The following DIP2C variants were observed in gnomAD, a reference collection of about 807,000 sequenced individuals.
DIP2C encodes the protein disco-interacting protein 2 homolog C.
A neutral mutation model predicts 192.4 loss-of-function variants in DIP2C; 33 were observed. That is an observed-to-expected ratio of 0.17 (90% confidence interval 0.13 to 0.23). DIP2C has a LOEUF of 0.23. Among genes scored for constraint, DIP2C ranks in the 10% least tolerant of loss-of-function variants. The probability of loss-of-function intolerance (pLI) is 1.00; values close to 1 mark genes in which losing one functional copy is unlikely to be tolerated. For synonymous variants in DIP2C, 979 were observed against 864.1 expected (o/e 1.13, Z -2.33); for missense variants, 1,537 against 2,110.1 (o/e 0.73, Z 5.32).
chr10:399,504 T>C (rs1282391972), intron 9 of DIP2C, among the ~76,000 whole-genome samples: 2 of 152,190 alleles, frequency 1.3e-5, no homozygotes, highest in Non-Finnish European at 2.9e-5. Flanking sequence ...TAGATGAAGT[T>C]ATATCCTACT....
At chr10:533,758 G>T (rs903357916) in intron 1 of DIP2C, among the ~76,000 whole-genome samples, 1 of 151,878 alleles carries the variant, frequency 6.6e-6, no homozygotes, top group Admixed American at 6.6e-5. Flanking sequence ...AGATAAATGC[G>T]TATCTGCTTA....
chr10:297,136 G>C (rs1033504546), intron 32 of DIP2C, among the ~76,000 whole-genome samples: 2 of 152,012 alleles, frequency 1.3e-5, no homozygotes, highest in African/African-American at 2.4e-5. Context: ...AGAGGTTGCA[G>C]TGAGCCGAGA....
At chr10:599,678 A>ACAGAGCC (rs1416218268) in intron 1 of DIP2C, among the ~76,000 whole-genome samples, 1 of 152,194 alleles carries the variant, frequency 6.6e-6, no homozygotes, top group Non-Finnish European at 1.5e-5. Flanking sequence ...CCCTGGGGCC[A>ACAGAGCC]CAGAGCCCAG....
intron 1 of DIP2C, among the ~76,000 whole-genome samples, chr10:553,102 C>G (rs1435346155): frequency 2.0e-5 from 3 of 152,246 alleles, no homozygotes; most frequent in African/African-American, 7.2e-5. Flanking sequence ...CCAACAGACC[C>G]TCCATGCCAC....
In DIP2C at chr10:485,569, T is replaced by G. The variant is rs575574643; in HGVS notation, c.157+890A>C. ...CCAATAGCAGAATCTCCACACCGTT[T>G]CCTGCAGCCTGAGCCTCAGGAAACT... On this transcript the variant is annotated intron_variant, in intron 2 of 36. Coordinates refer to ENST00000280886, the MANE Select transcript of DIP2C (RefSeq NM_014974.3). 2.6e-5 allele frequency among the ~76,000 whole-genome samples: 4 copies of G among 152,318 alleles called. No homozygotes were observed. In the South Asian group the frequency reaches 8.3e-4, roughly 32 times the overall value.
At chr10:618,553 G>A (rs1034834504) in intron 1 of DIP2C, among the ~76,000 whole-genome samples, 6 of 151,614 alleles carry the variant, frequency 4.0e-5, no homozygotes, top group Admixed American at 3.9e-4. Flanking sequence ...GGTGACGGTG[G>A]CTTTCACTCC....
intron 4 of DIP2C, among the ~76,000 whole-genome samples, chr10:427,318 C>G (rs919084614): frequency 6.6e-6 from 1 of 152,168 alleles, no homozygotes; most frequent in African/African-American, 2.4e-5. Flanking sequence ...TACAGTGGGT[C>G]CACCTGCTTA....
At chr10:574,027 CAAAT>C (rs1335303530) in intron 1 of DIP2C, among the ~76,000 whole-genome samples, 1 of 152,196 alleles carries the variant, frequency 6.6e-6, no homozygotes. Context: ...GTCTTCTACT[CAAAT>C]TAAGTATCTT....
intron 1 of DIP2C, among the ~76,000 whole-genome samples, chr10:671,624 C>T (rs1429581348): frequency 1.0e-5 from 1 of 97,486 alleles, no homozygotes; most frequent in Non-Finnish European, 2.0e-5. Flanking sequence ...ACGCCACAGA[C>T]GCACGGACGG....
At chr10:330,861 G>A (rs966645345) in intron 29 of DIP2C, among the ~76,000 whole-genome samples, 2 of 145,468 alleles carry the variant, frequency 1.4e-5, no homozygotes, top group African/African-American at 5.1e-5. Context: ...CACCCAGACT[G>A]GAGTGCAGTG....
chr10:371,238 C>T (rs930434568), intron 17 of DIP2C, among the ~76,000 whole-genome samples: 5 of 151,984 alleles, frequency 3.3e-5, no homozygotes, highest in African/African-American at 9.7e-5. Flanking sequence ...CAAAGATCAG[C>T]GTGGAAGTCA....
rs1589612656 is a variant in DIP2C, at chr10:363,423, G to A, written c.2478-112C>T. 7 of 868,556 alleles carry A rather than the reference G, an allele frequency of 8.1e-6. No homozygotes were observed. The highest frequency in any genetic ancestry group is 1.1e-5 in the Non-Finnish European group (6 of 553,180). 53.8% of individuals were successfully genotyped at this position (868,556 alleles called of 1,614,324 possible). On this transcript the variant is annotated intron_variant, in intron 20 of 36. Transcript: ENST00000280886. The surrounding 1 kb of genome is among the most constrained non-coding windows in gnomAD (Gnocchi z 5.4). Reference sequence around the variant, plus strand: ...TAGTGAGTGACACAGCTCCAACTACGACTTCAAAACGGCCGCTGTACTTCC... The same window carrying A: ...TAGTGAGTGACACAGCTCCAACTACAACTTCAAAACGGCCGCTGTACTTCC...
chr10:502,340 T>C lies in DIP2C; in HGVS notation c.86-15810A>G, dbSNP rs534067760. On this transcript the variant is annotated intron_variant, in intron 1 of 36. Coordinates refer to ENST00000280886, the MANE Select transcript of DIP2C (RefSeq NM_014974.3). ...GTGAACTAAATAAAACCACCATGAGTGTTCAAAGGAAAATACTTTTCAAGT... is the reference window on the plus strand; with the variant it reads ...GTGAACTAAATAAAACCACCATGAGCGTTCAAAGGAAAATACTTTTCAAGT... Among the ~76,000 whole-genome samples, 61 of 152,156 alleles carry C rather than the reference T, an allele frequency of 4.0e-4. 2 individuals are homozygous for C. Among genetic ancestry groups the C allele is most frequent in the Non-Finnish European group, 7.1e-4 (48 of 68,034 alleles).
At chr10:433,859 C>A (rs1425118540) in intron 4 of DIP2C, among the ~76,000 whole-genome samples, 1 of 151,930 alleles carries the variant, frequency 6.6e-6, no homozygotes, top group Non-Finnish European at 1.5e-5. Flanking sequence ...TTAATATCTA[C>A]CATATTTGTT....
intron 1 of DIP2C, among the ~76,000 whole-genome samples, chr10:504,297 G>A (rs1219921156): frequency 2.0e-5 from 3 of 152,208 alleles, no homozygotes; most frequent in Non-Finnish European, 2.9e-5. Context: ...GGAAACAGCC[G>A]TCTGCCATGG....
chr10:283,849 C>A (rs550996269), intron 34 of DIP2C, among the ~76,000 whole-genome samples: 1 of 152,078 alleles, frequency 6.6e-6, no homozygotes, highest in Non-Finnish European at 1.5e-5. Flanking sequence ...CTCATTTCAC[C>A]TGGTTAGCTA....
chr10:275,418 T>C lies in DIP2C; in HGVS notation c.*1907A>G, dbSNP rs1353048314. 2 of 151,282 alleles carry C rather than the reference T, an allele frequency of 1.3e-5. No homozygotes were observed. Among genetic ancestry groups the C allele is most frequent in the South Asian group, 2.1e-4 (1 of 4,778 alleles). The allele number at this position is 151,282 out of a possible 1,614,324, so 9.4% of individuals were successfully genotyped here. A position where few individuals can be genotyped will look rare whatever the true frequency, so the allele number is the denominator to read the frequency against. ...AATATTTCAAGAATCAAATGGTTTG[T>C]GGAGATGGAAGGATGCACCACATAT... On this transcript the variant is annotated 3_prime_UTR_variant, in exon 37 of 37. Transcript: ENST00000280886.
At chr10:444,483 A>T (rs753787595) in intron 3 of DIP2C, among the ~76,000 whole-genome samples, 1 of 149,056 alleles carries the variant, frequency 6.7e-6, no homozygotes, top group African/African-American at 2.5e-5. Flanking sequence ...GTGTTCACTC[A>T]AGAGACAGCC....
intron 1 of DIP2C, among the ~76,000 whole-genome samples, chr10:529,102 T>C (rs11253023): frequency 0.086 from 13,102 of 151,906 alleles, 696 homozygotes; most frequent in East Asian, 0.18. Flanking sequence ...CTCCCAGGAG[T>C]GGGGCAGATC....
Sources: gnomAD v4.1 joint callset for allele counts (sites outside exome capture counted in the v4.1 genomes callset) on GRCh38, gnomAD v4.1.1 for gene constraint, Gnocchi (gnomAD v3.1) non-coding constraint, MANE v1.5 for transcripts, NCBI Gene and HGNC (gene_info 2026-07-23, HGNC 2026-07-21) for gene names.